The following DYNC1I1 variants were observed in gnomAD, a reference collection of about 807,000 sequenced individuals.
DYNC1I1 encodes the protein cytoplasmic dynein 1 intermediate chain 1.
A neutral mutation model predicts 86.6 loss-of-function variants in DYNC1I1; 43 were observed. The ratio of observed to expected loss-of-function variants is 0.50; its 90% CI spans 0.39 to 0.64. The LOEUF (loss-of-function observed/expected upper bound fraction) is 0.64. DYNC1I1 is among the 30% of genes least tolerant of loss of function. The pLI is 0.00. For synonymous variants in DYNC1I1, 262 were observed against 283.7 expected, an observed-to-expected ratio of 0.92 and a Z score of 0.77; for missense variants, 604 against 788.8, an observed-to-expected ratio of 0.77 and a Z score of 2.81.
chr7:95,878,961 AAAAC>A (rs1790380167), intron 6 of DYNC1I1, among the ~76,000 whole-genome samples: 1 of 151,800 alleles, frequency 6.6e-6, no homozygotes, highest in African/African-American at 2.4e-5. Flanking sequence ...GAAAAAAAAA[AAAAC>A]AACTATCAAT....
chr7:96,065,536 C>G (rs1221279185), intron 14 of DYNC1I1, among the ~76,000 whole-genome samples: 1 of 152,074 alleles, frequency 6.6e-6, no homozygotes, highest in Non-Finnish European at 1.5e-5. Flanking sequence ...CATCACCATG[C>G]CTGGCTAAAT....
chr7:96,065,636 C>G (rs1278937940), intron 14 of DYNC1I1, among the ~76,000 whole-genome samples: 1 of 152,148 alleles, frequency 6.6e-6, no homozygotes, highest in Admixed American at 6.5e-5. Flanking sequence ...AATTTGCCCG[C>G]CTTGGTCTCC....
chr7:95,781,546 G>C (rs1261457836), intron 1 of DYNC1I1, among the ~76,000 whole-genome samples: 8 of 152,276 alleles, frequency 5.3e-5, no homozygotes, highest in African/African-American at 1.7e-4. Flanking sequence ...AGTCTGCCCT[G>C]ACTGAGCCAT....
At chr7:95,806,626 C>T (rs1355879688) in intron 2 of DYNC1I1, among the ~76,000 whole-genome samples, 1 of 152,200 alleles carries the variant, frequency 6.6e-6, no homozygotes, top group East Asian at 1.9e-4. Flanking sequence ...GATAACTGAA[C>T]TGTGCTCTAC....
intron 15 of DYNC1I1, among the ~76,000 whole-genome samples, chr7:96,079,022 TTTTTTTG>T (rs923547599): frequency 1.3e-5 from 2 of 151,696 alleles, no homozygotes; most frequent in Admixed American, 1.3e-4. Flanking sequence ...TTTTGGGGTT[TTTTTTTG>T]TTTTTTTGTT....
chr7:95,774,101 A>C (rs1210758546), intron 1 of DYNC1I1, among the ~76,000 whole-genome samples: 1 of 152,244 alleles, frequency 6.6e-6, no homozygotes, highest in African/African-American at 2.4e-5. Flanking sequence ...TGTTCTCTTC[A>C]TAAGAACTAA....
intron 16 of DYNC1I1, among the ~76,000 whole-genome samples, chr7:96,085,929 G>A (rs1790665749): frequency 6.7e-6 from 1 of 150,160 alleles, no homozygotes; most frequent in Non-Finnish European, 1.5e-5. Flanking sequence ...AGCTATTGTT[G>A]GATTTTTTTT....
Position 96,039,316 on chromosome 7 carries a change from G to C in DYNC1I1, c.1404G>C (p.Gly468=). ...GTGAGGTCTTTGAAGGTCACCAAGG[G>C]CCAGTGACAGGAATTAACTGCCACA... ...GIGEVFEGHQ[G]PVTGINCHMA... The change falls in exon 14 of 17, where the codon GGG becomes GGC. Residue 468 remains glycine (G), a synonymous_variant. Coordinates refer to ENST00000447467, the MANE Select transcript of DYNC1I1 (RefSeq NM_001135556.2). The C allele has an allele frequency of 6.2e-7, 1 of 1,614,058 alleles. No individual in the cohort carries two copies. The highest frequency in any genetic ancestry group is 8.5e-7 in the Non-Finnish European group (1 of 1,179,956).
chr7:96,059,097 A>G (rs927564283), intron 14 of DYNC1I1, among the ~76,000 whole-genome samples: 1 of 152,132 alleles, frequency 6.6e-6, no homozygotes, highest in Non-Finnish European at 1.5e-5. Context: ...CTATGAATAC[A>G]TTATCTTATT....
At chr7:96,000,242 A>G (rs1440805854) in intron 10 of DYNC1I1, among the ~76,000 whole-genome samples, 1 of 152,208 alleles carries the variant, frequency 6.6e-6, no homozygotes, top group Non-Finnish European at 1.5e-5. Flanking sequence ...TAGGTGCTTT[A>G]TAATTGCCAA....
intron 14 of DYNC1I1, among the ~76,000 whole-genome samples, chr7:96,062,836 G>A (rs766553922): frequency 7.9e-5 from 12 of 152,172 alleles, no homozygotes; most frequent in Non-Finnish European, 1.8e-4. Context: ...CTCCGGTGCA[G>A]AAGACTTCTG....
intron 16 of DYNC1I1, among the ~76,000 whole-genome samples, chr7:96,092,959 A>C (rs547659367): frequency 6.6e-6 from 1 of 152,080 alleles, no homozygotes; most frequent in Non-Finnish European, 1.5e-5. Flanking sequence ...CCCCACACTA[A>C]CAGGTGAAGG....
intron 1 of DYNC1I1, among the ~76,000 whole-genome samples, chr7:95,788,503 T>C (rs530622160): frequency 6.6e-6 from 1 of 152,272 alleles, no homozygotes; most frequent in Non-Finnish European, 1.5e-5. Flanking sequence ...TCACAGCTAG[T>C]GCTTCCAGGT....
At chr7:96,086,083 G>C (rs959950183) in intron 16 of DYNC1I1, among the ~76,000 whole-genome samples, 1 of 152,126 alleles carries the variant, frequency 6.6e-6, no homozygotes, top group East Asian at 1.9e-4. Flanking sequence ...AATTATTCAC[G>C]TGTCCTGATG....
intron 6 of DYNC1I1, among the ~76,000 whole-genome samples, chr7:95,904,953 A>G (rs1265719568): frequency 1.3e-5 from 2 of 152,184 alleles, no homozygotes; most frequent in South Asian, 2.1e-4. Context: ...GAAGTTGCCT[A>G]TGCAAAAAGT....
chr7:95,902,331 C>A (rs1584143086), intron 6 of DYNC1I1, among the ~76,000 whole-genome samples: 1 of 152,086 alleles, frequency 6.6e-6, no homozygotes, highest in Non-Finnish European at 1.5e-5. Context: ...ATTTAGTTGC[C>A]TCCAATAGCT....
chr7:96,000,369 A>G (rs779049821), intron 10 of DYNC1I1, among the ~76,000 whole-genome samples: 30 of 152,226 alleles, frequency 2.0e-4, no homozygotes, highest in Non-Finnish European at 2.6e-4. Context: ...CCAGTGTTAC[A>G]TTGATTATCA....
chr7:96,005,255 TAAAG>T (rs1794112623), intron 10 of DYNC1I1, among the ~76,000 whole-genome samples: 1 of 152,196 alleles, frequency 6.6e-6, no homozygotes, highest in Non-Finnish European at 1.5e-5. Flanking sequence ...AAAATGTCCT[TAAAG>T]ACCACAAAGT....
intron 10 of DYNC1I1, 25 bp from the exon 11 acceptor site, chr7:96,028,144 ATCTCTC>A (rs145322007): frequency 1.9e-6 from 3 of 1,575,620 alleles, no homozygotes; most frequent in African/African-American, 2.7e-5. Context: ...TTCACATTGC[ATCTCTC>A]TCTCTCTCTC....
Sources: gnomAD v4.1 joint callset for allele counts (sites outside exome capture counted in the v4.1 genomes callset) on GRCh38, gnomAD v4.1.1 for gene constraint, MANE v1.5 for transcripts, NCBI Gene and HGNC (gene_info 2026-07-23, HGNC 2026-07-21) for gene names.